The following PPP1R12B variants were observed in gnomAD, a reference collection of about 807,000 sequenced individuals.
PPP1R12B encodes the protein myosin phosphatase target subunit 2.
PPP1R12B carries 76 observed loss-of-function variants against 126.1 expected under a neutral mutation model. That is an observed-to-expected ratio of 0.60 (90% confidence interval 0.50 to 0.73). The LOEUF (loss-of-function observed/expected upper bound fraction) is 0.73, where lower values mean the gene tolerates loss of function less well. Ranked by LOEUF, PPP1R12B falls within the 30% of genes least tolerant of loss-of-function variation. The pLI is 0.00. For missense variants in PPP1R12B, 1,052 were observed against 1,205.1 expected (o/e 0.87, Z 1.88); for synonymous variants, 356 against 434.7 (o/e 0.82, Z 2.25).
chr1:202,442,354 T>C, intron 11 of PPP1R12B, 93 bp from the exon 12 acceptor site: 1 of 1,395,680 alleles, frequency 7.2e-7, no homozygotes, highest in Non-Finnish European at 9.7e-7. Context: ...CATGTTATAG[T>C]TTGCCTGTCT....
rs922570804 is a variant in PPP1R12B at position 202,419,506 on chromosome 1, CT to C, written c.422+2599del. 1.5e-4 allele frequency among the ~76,000 whole-genome samples: 23 copies of C among 151,296 alleles called. No individual in the cohort carries two copies. Among genetic ancestry groups the C allele is most frequent in the Non-Finnish European group, 2.1e-4 (14 of 67,804 alleles). On this transcript the variant is annotated intron_variant, in intron 2 of 23. Transcript: ENST00000608999. The surrounding 1 kb of genome is among the most constrained non-coding windows in gnomAD (Gnocchi z 4.6). ...AAAGTAAAACTAAAGAGGTTTTTAA[CT>C]TTTTTTTTTCCTAGAACTGGAGAAA...
At chr1:202,497,521 G>C (rs1489630021) in intron 18 of PPP1R12B, among the ~76,000 whole-genome samples, 1 of 152,130 alleles carries the variant, frequency 6.6e-6, no homozygotes, top group Admixed American at 6.6e-5. Flanking sequence ...CAACTTATTG[G>C]AAGTATGTTT....
At chr1:202,482,512 C>T (rs1207620247) in intron 13 of PPP1R12B, among the ~76,000 whole-genome samples, 2 of 152,116 alleles carry the variant, frequency 1.3e-5, no homozygotes, top group African/African-American at 4.8e-5. Context: ...TTTTCATATA[C>T]TCATTAGCCA....
At chr1:202,397,856 TGGTAGTA>T (rs549843919) in intron 1 of PPP1R12B, among the ~76,000 whole-genome samples, 4 of 152,304 alleles carry the variant, frequency 2.6e-5, no homozygotes, top group South Asian at 4.1e-4. Context: ...ATGATAGCAA[TGGTAGTA>T]GTAATAACAA....
At chr1:202,566,621 A>T (rs1202649598) in intron 21 of PPP1R12B, among the ~76,000 whole-genome samples, 1 of 152,238 alleles carries the variant, frequency 6.6e-6, no homozygotes, top group Non-Finnish European at 1.5e-5. Flanking sequence ...CAGGCTTAGG[A>T]AAGAAAGACT....
At chr1:202,472,208 A>G in intron 13 of PPP1R12B, 1 of 509,626 alleles carries the variant, frequency 2.0e-6, no homozygotes, top group Non-Finnish European at 3.3e-6. Context: ...TATATATAGT[A>G]CTTTTTAGTT....
chr1:202,495,864 G>C (rs1679492691), intron 17 of PPP1R12B, among the ~76,000 whole-genome samples, 182 bp downstream of exon 17: 1 of 152,218 alleles, frequency 6.6e-6, no homozygotes, highest in South Asian at 2.1e-4. Flanking sequence ...GTTCCTGCTA[G>C]ATTCCCAGTA....
intron 18 of PPP1R12B, among the ~76,000 whole-genome samples, chr1:202,532,365 C>T (rs1264615494): frequency 6.6e-6 from 1 of 152,166 alleles, no homozygotes; most frequent in Non-Finnish European, 1.5e-5. Context: ...CCTGTCTCAT[C>T]CTGTGACTGA....
chr1:202,560,824 A>G lies in PPP1R12B; in HGVS notation c.2507+1931A>G, dbSNP rs577836146. ...AAATCATCAAATTTAATTATATAAA[A>G]TTTAAAATCTCTAAGTAAGACACTA... On this transcript the variant is annotated intron_variant, in intron 19 of 23. Coordinates refer to ENST00000608999, the MANE Select transcript of PPP1R12B (RefSeq NM_002481.4). Among the ~76,000 whole-genome samples the G allele has an allele frequency of 3.3e-5, 5 of 152,306 alleles. No homozygotes were observed. In the South Asian group the frequency reaches 1.0e-3, roughly 32 times the overall value.
intron 18 of PPP1R12B, among the ~76,000 whole-genome samples, chr1:202,503,088 G>A (rs950867196): frequency 6.6e-6 from 1 of 152,142 alleles, no homozygotes; most frequent in East Asian, 1.9e-4. Flanking sequence ...GTGGAAGCAG[G>A]GACATCAGTT....
intron 13 of PPP1R12B, among the ~76,000 whole-genome samples, chr1:202,474,607 A>C (rs1020133978): frequency 1.7e-4 from 26 of 152,184 alleles, no homozygotes; most frequent in African/African-American, 6.0e-4. Flanking sequence ...AAATTTTGTT[A>C]AGTTTATGTT....
chr1:202,447,666 T>G (rs1672449625), intron 12 of PPP1R12B, among the ~76,000 whole-genome samples: 2 of 152,222 alleles, frequency 1.3e-5, no homozygotes, highest in Non-Finnish European at 2.9e-5. Flanking sequence ...AAAAGTCCTA[T>G]TATGTAATTT....
intron 18 of PPP1R12B, chr1:202,540,347 C>T (rs1327953038): frequency 2.2e-6 from 2 of 915,366 alleles, no homozygotes; most frequent in Non-Finnish European, 3.2e-6. Context: ...GATTTCAGAG[C>T]ATATGGGAAT....
intron 18 of PPP1R12B, among the ~76,000 whole-genome samples, chr1:202,556,712 C>T (rs976126676): frequency 6.6e-5 from 10 of 152,286 alleles, no homozygotes; most frequent in African/African-American, 2.2e-4. Context: ...TAATTATGTT[C>T]ACAGTGCTCT....
rs1010630648 is a variant in PPP1R12B, at chr1:202,565,566, G to A, written c.2757+1019G>A. Among the ~76,000 whole-genome samples, 1 of 152,184 alleles carries A rather than the reference G, an allele frequency of 6.6e-6. No homozygotes were observed. The highest frequency in any genetic ancestry group is 1.5e-5 in the Non-Finnish European group (1 of 68,040). On this transcript the variant is annotated intron_variant, in intron 21 of 23. Coordinates refer to ENST00000608999, the MANE Select transcript of PPP1R12B (RefSeq NM_002481.4). This position sits in a 1 kb window ranked among gnomAD's most constrained non-coding sequence, Gnocchi z 4.3. Reference sequence around the variant, plus strand: ...AGCAGGAGGGTGCCAACACTTGGAAGACAGCCCCACAGAGCTGCGTAGGAC... The same window carrying A: ...AGCAGGAGGGTGCCAACACTTGGAAAACAGCCCCACAGAGCTGCGTAGGAC...
At chr1:202,439,715 G>A in intron 10 of PPP1R12B, 1 of 585,526 alleles carries the variant, frequency 1.7e-6, no homozygotes. Flanking sequence ...GTGCAGCCCA[G>A]CCAGCAGGAG....
intron 19 of PPP1R12B, among the ~76,000 whole-genome samples, chr1:202,561,955 A>G (rs1475021331): frequency 1.3e-5 from 2 of 152,226 alleles, no homozygotes; most frequent in Non-Finnish European, 2.9e-5. Context: ...CCAGTTCAGG[A>G]TGTAGCACTC....
In PPP1R12B at chr1:202,431,568, G is replaced by C. The variant is rs1399937025; in HGVS notation, c.1090G>C (p.Glu364Gln). The change falls in exon 8 of 24, where the codon GAG (glutamate) becomes CAG (glutamine). Residue 364 changes from glutamate (E) to glutamine (Q), a missense_variant. Glu to Gln is a conservative substitution (Grantham distance 29). Coordinates refer to ENST00000608999, the MANE Select transcript of PPP1R12B (RefSeq NM_002481.4). ...NKESSSSSSEEEEGEDEASES... is the reference protein window; with the variant it reads ...NKESSSSSSEQEEGEDEASES... ...AGAATCTAGTAGCTCCAGCTCAGAG[G>C]AGGAGGAAGGTGAAGATGAAGCTTC... 2.5e-6 allele frequency: 4 copies of C among 1,612,952 alleles called. No individual in the cohort carries two copies. In the African/African-American group the frequency reaches 5.3e-5, roughly 22 times the overall value.
At chr1:202,359,396 GT>G (rs1472335456) in intron 1 of PPP1R12B, among the ~76,000 whole-genome samples, 1 of 151,820 alleles carries the variant, frequency 6.6e-6, no homozygotes, top group East Asian at 1.9e-4. Context: ...GCCTCCCAAA[GT>G]TTTGGGATTA....
Sources: gnomAD v4.1 joint callset for allele counts (sites outside exome capture counted in the v4.1 genomes callset) on GRCh38, gnomAD v4.1.1 for gene constraint, Gnocchi (gnomAD v3.1) non-coding constraint, MANE v1.5 for transcripts, NCBI Gene and HGNC (gene_info 2026-07-23, HGNC 2026-07-21) for gene names.